TTC19: variants seen among roughly 807,000 people sequenced by gnomAD.
TTC19 encodes tetratricopeptide repeat domain 19.
A neutral mutation model predicts 49.5 loss-of-function variants in TTC19; 38 were observed. That is an observed-to-expected ratio of 0.77 (90% CI 0.59 to 1.01). The LOEUF is 1.01. TTC19 is among the 50% of genes least tolerant of loss of function. The pLI, the probability that TTC19 is intolerant of heterozygous loss-of-function variation, is 0.00. For synonymous variants in TTC19, 204 were observed against 185.2 expected (o/e 1.10, Z -0.83); for missense variants, 475 against 477.7 (o/e 0.99, Z 0.05).
intron 7 of TTC19, among the ~76,000 whole-genome samples, chr17:16,016,696 T>C (rs1414588484): frequency 6.6e-6 from 1 of 151,632 alleles, no homozygotes; most frequent in Non-Finnish European, 1.5e-5. Context: ...TAGCTGGGAG[T>C]ACAGGTGTGC....
chr17:16,026,800 C>A, intron 9 of TTC19, 98 bp downstream of exon 9: 1 of 1,228,222 alleles, frequency 8.1e-7, no homozygotes. Context: ...CAAGGGCCAA[C>A]GAATAAACAT....
intron 3 of TTC19, among the ~76,000 whole-genome samples, chr17:16,002,271 T>C (rs943800400): frequency 2.6e-5 from 4 of 152,158 alleles, no homozygotes; most frequent in Non-Finnish European, 5.9e-5. Context: ...CTCCGCCTCA[T>C]GAGTTCAGAC....
At chr17:16,003,770 CAT>C (rs56782815) in intron 4 of TTC19, 59 bp from the exon 5 acceptor site, 9,195 of 1,263,068 alleles carry the variant, frequency 7.3e-3, no homozygotes, top group Non-Finnish European at 8.4e-3. Context: ...AATCCAGGGT[CAT>C]ATATATATAT....
At chr17:16,026,417 C>T (rs1163112805) in intron 8 of TTC19, 123 bp from the exon 9 acceptor site, 12 of 892,770 alleles carry the variant, frequency 1.3e-5, no homozygotes, top group East Asian at 2.6e-5. Context: ...AATGGTATCC[C>T]TCATCTTTTG....
At chr17:16,018,820 A>C (rs1404805692) in intron 7 of TTC19, among the ~76,000 whole-genome samples, 2 of 152,112 alleles carry the variant, frequency 1.3e-5, no homozygotes, top group Non-Finnish European at 2.9e-5. Context: ...CCTCTGATGT[A>C]ATTTTTTAAA....
intron 8 of TTC19, among the ~76,000 whole-genome samples, chr17:16,025,783 A>G (rs530698895): frequency 3.8e-4 from 58 of 152,204 alleles, no homozygotes; most frequent in Non-Finnish European, 1.5e-4. Flanking sequence ...AATATAAGAC[A>G]TAACAATTTT....
At chr17:16,012,141 G>A (rs1177949938) in intron 7 of TTC19, among the ~76,000 whole-genome samples, 2 of 151,826 alleles carry the variant, frequency 1.3e-5, no homozygotes, top group African/African-American at 4.8e-5. Flanking sequence ...TTTATAGAGT[G>A]GGGTTTTTTT....
At chr17:16,014,737 T>G (rs1281926996) in intron 7 of TTC19, among the ~76,000 whole-genome samples, 1 of 152,210 alleles carries the variant, frequency 6.6e-6, no homozygotes, top group Non-Finnish European at 1.5e-5. Flanking sequence ...ACACTTTTGG[T>G]CCTAAACATT....
intron 6 of TTC19, 128 bp downstream of exon 6, chr17:16,004,390 T>A (rs1970831528): frequency 5.7e-6 from 5 of 883,596 alleles, no homozygotes; most frequent in Non-Finnish European, 9.5e-6. Context: ...AAGTGTTCCA[T>A]CCCTCATCTT....
intron 4 of TTC19, 70 bp downstream of exon 4, chr17:16,002,901 G>A (rs1597449941): frequency 7.1e-7 from 1 of 1,406,088 alleles, no homozygotes; most frequent in Admixed American, 1.7e-5. Flanking sequence ...AATAGTAAGA[G>A]TACAGGCTAA....
chr17:16,034,687 T>G, intron 2 of TTC19: 1 of 1,296,766 alleles, frequency 7.7e-7, no homozygotes, highest in East Asian at 2.3e-5. Flanking sequence ...GAAGAGTTGC[T>G]GAATTTTGAA....
intron 2 of TTC19, among the ~76,000 whole-genome samples, chr17:16,041,744 A>G (rs148482536): frequency 6.7e-6 from 1 of 149,242 alleles, no homozygotes; most frequent in African/African-American, 2.5e-5. Flanking sequence ...TTTATTAATT[A>G]ATTTATTTTT....
At chr17:16,025,838 A>G (rs567934008) in intron 8 of TTC19, among the ~76,000 whole-genome samples, 1 of 152,204 alleles carries the variant, frequency 6.6e-6, no homozygotes, top group East Asian at 1.9e-4. Context: ...AGGGTGAGTA[A>G]TATGTTTTGG....
intron 2 of TTC19, chr17:16,040,350 C>A: frequency 9.5e-7 from 1 of 1,049,176 alleles, no homozygotes. Flanking sequence ...AGTCACTCCC[C>A]TGGTATACAG....
chr17:16,022,825 G>A (rs1971425388), intron 7 of TTC19, among the ~76,000 whole-genome samples: 1 of 152,128 alleles, frequency 6.6e-6, no homozygotes, highest in Non-Finnish European at 1.5e-5. Flanking sequence ...GAGTATAGTA[G>A]CGTATCTTTT....
At chr17:16,019,060 C>T (rs978079040) in intron 7 of TTC19, among the ~76,000 whole-genome samples, 3 of 152,108 alleles carry the variant, frequency 2.0e-5, no homozygotes, top group African/African-American at 7.2e-5. Context: ...TTGCTGGGTA[C>T]AGTGGCTCAC....
intron 2 of TTC19, among the ~76,000 whole-genome samples, chr17:16,036,050 C>T (rs1334055236): frequency 1.3e-5 from 2 of 152,292 alleles, no homozygotes; most frequent in Middle Eastern, 3.4e-3. Context: ...TTGCTCAGAT[C>T]CGTCAGAGGA....
At chr17:16,024,174 TG>T (rs1971471014) in intron 7 of TTC19, 3 of 152,240 alleles carry the variant, frequency 2.0e-5, no homozygotes, top group Admixed American at 2.0e-4. Context: ...ATTTTAAGCT[TG>T]TTTTTTTTCA....
downstream of TTC19, chr17:16,031,984 A>G: frequency 2.9e-6 from 1 of 342,100 alleles, no homozygotes; most frequent in East Asian, 5.3e-5. Flanking sequence ...AGAGTGATTT[A>G]AAGACATTAT....
Sources: gnomAD v4.1 joint callset for allele counts (sites outside exome capture counted in the v4.1 genomes callset) on GRCh38, gnomAD v4.1.1 for gene constraint, MANE v1.5 for transcripts, NCBI Gene and HGNC (gene_info 2026-07-23, HGNC 2026-07-21) for gene names.